The following ADAMTS9 variants were observed in gnomAD, a reference collection of about 807,000 sequenced individuals.
ADAMTS9 encodes the protein ADAM metallopeptidase with thrombospondin type 1 motif 9, also known as A disintegrin and metalloproteinase with thrombospondin motifs 9.
ADAMTS9 carries 107 observed loss-of-function variants against 257.1 expected under a neutral mutation model. That is an observed-to-expected ratio of 0.42 (90% CI 0.36 to 0.49). ADAMTS9 has a LOEUF of 0.49. Ranked by LOEUF, ADAMTS9 falls within the 20% of genes least tolerant of loss-of-function variation. The pLI is 0.03. For missense variants in ADAMTS9, 2,353 were observed against 2,469.1 expected (o/e 0.95, Z 1.00); for synonymous variants, 982 against 880.9 (o/e 1.11, Z -2.03).
chr3:64,604,430 T>C, intron 23 of ADAMTS9, 99 bp from the exon 24 acceptor site: 1 of 854,320 alleles, frequency 1.2e-6, no homozygotes. Context: ...CTAAGAATTC[T>C]AAGGCTTCAG....
intron 32 of ADAMTS9, among the ~76,000 whole-genome samples, chr3:64,546,500 A>G (rs1013667582): frequency 2.0e-5 from 3 of 152,230 alleles, no homozygotes; most frequent in African/African-American, 7.2e-5. Flanking sequence ...CAACTTGCCC[A>G]AGGTTGTTCA....
At chr3:64,550,588 A>G in intron 31 of ADAMTS9, 1 of 334,904 alleles carries the variant, frequency 3.0e-6, no homozygotes, top group Non-Finnish European at 5.5e-6. Flanking sequence ...GGCACCTCAC[A>G]GCATCCTATG....
At chr3:64,585,942 AG>A (rs1366085985) in intron 28 of ADAMTS9, among the ~76,000 whole-genome samples, 2 of 152,168 alleles carry the variant, frequency 1.3e-5, no homozygotes, top group Non-Finnish European at 2.9e-5. Context: ...AAATATTAAT[AG>A]TTACACTCTG....
intron 12 of ADAMTS9, among the ~76,000 whole-genome samples, chr3:64,639,673 A>G (rs1700591223): frequency 6.6e-6 from 1 of 152,190 alleles, no homozygotes; most frequent in South Asian, 2.1e-4. Flanking sequence ...TCATGATAGC[A>G]TTTACTATAA....
chr3:64,621,631 A>C (rs1484793195), intron 18 of ADAMTS9, among the ~76,000 whole-genome samples: 1 of 151,946 alleles, frequency 6.6e-6, no homozygotes, highest in East Asian at 1.9e-4. Context: ...GCATGGTGGC[A>C]TGCACCTGTG....
At chr3:64,522,454 T>C (rs2082865801) in intron 38 of ADAMTS9, 194 bp from the exon 39 acceptor site, 1 of 462,000 alleles carries the variant, frequency 2.2e-6, no homozygotes, top group East Asian at 3.4e-5. Context: ...GCCCACCACC[T>C]GTTTCTGTAT....
At chr3:64,550,567 A>C (rs2106931074) in intron 31 of ADAMTS9, 1 of 275,000 alleles carries the variant, frequency 3.6e-6, no homozygotes, top group South Asian at 6.7e-5. Flanking sequence ...TCTTATACTT[A>C]ACTGTCTTCA....
chr3:64,566,245 C>A (rs2083542684), intron 29 of ADAMTS9, among the ~76,000 whole-genome samples: 1 of 152,172 alleles, frequency 6.6e-6, no homozygotes, highest in African/African-American at 2.4e-5. Flanking sequence ...ATCATGCAGA[C>A]CGTCTTTCTC....
At chr3:64,590,444 T>G (rs1466120785) in intron 28 of ADAMTS9, among the ~76,000 whole-genome samples, 2 of 152,188 alleles carry the variant, frequency 1.3e-5, no homozygotes, top group Non-Finnish European at 2.9e-5. Flanking sequence ...TATATAAAAT[T>G]AAATAACATG....
intron 39 of ADAMTS9, 58 bp downstream of exon 39, chr3:64,522,108 A>G: frequency 1.3e-6 from 2 of 1,486,592 alleles, no homozygotes; most frequent in Non-Finnish European, 1.9e-6. Flanking sequence ...TTGCTCATAT[A>G]GGCTACAGAA....
intron 9 of ADAMTS9, chr3:64,650,465 A>T (rs1042175287): frequency 3.2e-5 from 5 of 154,276 alleles, no homozygotes; most frequent in African/African-American, 1.2e-4. Flanking sequence ...GCCTAGCAGG[A>T]AGCTTAAAAA....
intron 3 of ADAMTS9, among the ~76,000 whole-genome samples, chr3:64,677,098 GCAAGCCACTCTC>G (rs1254144709): frequency 6.6e-6 from 1 of 152,150 alleles, no homozygotes; most frequent in Non-Finnish European, 1.5e-5. Flanking sequence ...GCTTATAAAA[GCAAGCCACTCTC>G]CAAAGGGCTC....
intron 37 of ADAMTS9, among the ~76,000 whole-genome samples, chr3:64,535,787 C>T (rs1202432514): frequency 1.3e-5 from 2 of 151,852 alleles, no homozygotes; most frequent in East Asian, 1.9e-4. Flanking sequence ...AAGTGATCCA[C>T]CTCCCTCAGC....
At chr3:64,643,626 TTA>T (rs973785796) in intron 11 of ADAMTS9, among the ~76,000 whole-genome samples, 1 of 151,614 alleles carries the variant, frequency 6.6e-6, no homozygotes, top group African/African-American at 2.4e-5. Flanking sequence ...CTAAATTTTT[TTA>T]TCTTTTATAG....
chr3:64,553,778 G>A (rs531462680), intron 30 of ADAMTS9, among the ~76,000 whole-genome samples: 1 of 152,130 alleles, frequency 6.6e-6, no homozygotes, highest in Non-Finnish European at 1.5e-5. Context: ...TGAAACCACT[G>A]TGAGGTGAGC....
At chr3:64,581,543 G>A (rs2084001019) in intron 28 of ADAMTS9, among the ~76,000 whole-genome samples, 3 of 151,998 alleles carry the variant, frequency 2.0e-5, no homozygotes, top group South Asian at 2.1e-4. Context: ...CACCATGCCT[G>A]GCCAAGATTT....
chr3:64,674,170 A>G (rs1219605304), intron 3 of ADAMTS9, among the ~76,000 whole-genome samples: 1 of 152,152 alleles, frequency 6.6e-6, no homozygotes, highest in East Asian at 1.9e-4. Context: ...TAAAGAATTA[A>G]TGTATTTAAA....
intron 12 of ADAMTS9, among the ~76,000 whole-genome samples, chr3:64,636,436 T>G (rs1700498440): frequency 6.6e-6 from 1 of 152,192 alleles, no homozygotes; most frequent in African/African-American, 2.4e-5. Context: ...CTCCGTTTGC[T>G]TATCTGTAAA....
intron 38 of ADAMTS9, 113 bp downstream of exon 38, chr3:64,533,053 T>C: frequency 1.1e-6 from 1 of 935,790 alleles, no homozygotes; most frequent in South Asian, 1.6e-5. Flanking sequence ...ACAAAATGGC[T>C]TAAGTGGGAA....
Sources: allele counts gnomAD v4.1 joint callset (sites outside exome capture counted in the v4.1 genomes callset), GRCh38; gene constraint gnomAD v4.1.1; transcripts MANE v1.5; gene names NCBI Gene and HGNC (gene_info 2026-07-23, HGNC 2026-07-21).